The following SNTG2 variants were observed in gnomAD, a reference collection of about 807,000 sequenced individuals.
The protein encoded by SNTG2 is syntrophin gamma 2.
In SNTG2, 74 loss-of-function variants were observed where a neutral mutation model predicts 70.9. The observed-to-expected ratio is 1.04, with a 90% CI of 0.86 to 1.27. SNTG2 has a LOEUF of 1.27. Among genes scored for constraint, SNTG2 ranks in the 50% most tolerant of loss-of-function variants. The pLI is 0.00. For synonymous variants in SNTG2, 278 were observed against 273.8 expected (o/e 1.02, Z -0.15); for missense variants, 717 against 690.7 (o/e 1.04, Z -0.43).
intron 1 of SNTG2, among the ~76,000 whole-genome samples, chr2:1,071,301 C>G (rs992444847): frequency 6.6e-6 from 1 of 150,550 alleles, no homozygotes; most frequent in African/African-American, 2.5e-5. Context: ...CACATATACA[C>G]CATGGAATAC....
rs764719282 is a variant in SNTG2 at position 1,367,518 on chromosome 2, A to C, written c.*44A>C. The C allele has an allele frequency of 8.5e-5, 132 of 1,544,066 alleles. 2 individuals carry two copies. The South Asian group carries it at 1.5e-3, about 18-fold the overall frequency. On this transcript the variant is annotated 3_prime_UTR_variant, in exon 17 of 17. Transcript: ENST00000308624. ...GCTGAAAAATTAAATTATTTTCGTA[A>C]GAAATGATTCTTTCCTGCAGAATAT... is the stretch of plus-strand genomic sequence containing the variant.
Position 1,347,352 on chromosome 2 carries a change from T to A in SNTG2, c.1489-19991T>A, listed in dbSNP as rs142782457. Among the ~76,000 whole-genome samples, 255 of 152,282 alleles carry A rather than the reference T, an allele frequency of 1.7e-3. 3 individuals carry two copies. Among genetic ancestry groups the A allele is most frequent in the East Asian group, 0.011 (56 of 5,172 alleles). Reference sequence around the variant, plus strand: ...GACCAGCCTGTGGGTCTTCCTGGTGTTAAGGCTCAGCCCATGAAAACCAAG... The same window carrying A: ...GACCAGCCTGTGGGTCTTCCTGGTGATAAGGCTCAGCCCATGAAAACCAAG... On this transcript the variant is annotated intron_variant, in intron 16 of 16. Coordinates refer to ENST00000308624, the MANE Select transcript of SNTG2 (RefSeq NM_018968.4).
intron 14 of SNTG2, among the ~76,000 whole-genome samples, chr2:1,276,386 A>G (rs960275122): frequency 4.6e-5 from 7 of 152,228 alleles, no homozygotes; most frequent in Admixed American, 2.0e-4. Context: ...GTGAAGCTTC[A>G]TTTACCATTC....
intron 1 of SNTG2, among the ~76,000 whole-genome samples, chr2:1,032,448 G>C (rs912382520): frequency 7.2e-5 from 11 of 152,136 alleles, no homozygotes; most frequent in African/African-American, 2.7e-4. Flanking sequence ...ATTTTAGATA[G>C]CCCAAAAATA....
intron 7 of SNTG2, among the ~76,000 whole-genome samples, chr2:1,169,127 A>G (rs1670952353): frequency 2.0e-5 from 3 of 152,194 alleles, no homozygotes; most frequent in African/African-American, 7.2e-5. Context: ...GAGTGTCTGC[A>G]GATTCTGCAG....
rs1665487647 is a variant in SNTG2, at chr2:1,097,719, T to C, written c.211-477T>C. On this transcript the variant is annotated intron_variant, in intron 2 of 16. Transcript: ENST00000308624. This position sits in a 1 kb window ranked among gnomAD's most constrained non-coding sequence, Gnocchi z 4.1. ...TCAGAGGACGTGAAAAAATGGATCA[T>C]TCATGAATTAATATTGGTTGAAGAT... Among the ~76,000 whole-genome samples, 1 of 152,064 alleles carries C rather than the reference T, an allele frequency of 6.6e-6. No homozygotes were observed. Among genetic ancestry groups the C allele is most frequent in the African/African-American group, 2.4e-5 (1 of 41,418 alleles).
chr2:1,320,574 GA>G (rs1337509919), intron 16 of SNTG2, among the ~76,000 whole-genome samples: 6 of 147,046 alleles, frequency 4.1e-5, no homozygotes, highest in Middle Eastern at 3.5e-3. Flanking sequence ...AGAAAAGAAA[GA>G]AAAAAATCAC....
intron 6 of SNTG2, among the ~76,000 whole-genome samples, chr2:1,142,173 G>C (rs567294739): frequency 6.6e-6 from 1 of 152,190 alleles, no homozygotes; most frequent in Non-Finnish European, 1.5e-5. Flanking sequence ...ACCTGACCTG[G>C]AGATTTTTCA....
chr2:1,116,512 T>C (rs1428389066), intron 4 of SNTG2, among the ~76,000 whole-genome samples: 1 of 150,152 alleles, frequency 6.7e-6, no homozygotes, highest in Non-Finnish European at 1.5e-5. Flanking sequence ...GTGTGTGGTC[T>C]GGTGTGTGGG....
intron 4 of SNTG2, among the ~76,000 whole-genome samples, chr2:1,135,442 A>G (rs529424272): frequency 2.0e-5 from 3 of 152,320 alleles, no homozygotes; most frequent in Admixed American, 1.3e-4. Context: ...TACCTCGGCC[A>G]GGCGTGGTGG....
At chr2:1,019,872 G>T (rs113940379) in intron 1 of SNTG2, among the ~76,000 whole-genome samples, 14,361 of 152,014 alleles carry the variant, frequency 0.094, 787 homozygotes, top group Middle Eastern at 0.14. Flanking sequence ...GTGAAACCCC[G>T]TCTCTACAAA....
At chr2:1,299,523 G>A (rs569436591) in intron 14 of SNTG2, among the ~76,000 whole-genome samples, 2 of 152,298 alleles carry the variant, frequency 1.3e-5, no homozygotes, top group East Asian at 3.9e-4. Context: ...CCTTTTCTCA[G>A]AAGATCACTG....
At chr2:1,228,364 G>C (rs1047920686) in intron 9 of SNTG2, among the ~76,000 whole-genome samples, 8 of 152,210 alleles carry the variant, frequency 5.3e-5, no homozygotes, top group South Asian at 2.1e-4. Context: ...TTCCCTGCTG[G>C]GGGGAGGAGC....
chr2:1,144,358 C>T (rs1452523445), intron 6 of SNTG2, among the ~76,000 whole-genome samples: 1 of 152,198 alleles, frequency 6.6e-6, no homozygotes, highest in African/African-American at 2.4e-5. Context: ...CATCAATCCA[C>T]TGCATATAAT....
chr2:1,347,075 G>A (rs186076463), intron 16 of SNTG2, among the ~76,000 whole-genome samples: 1 of 87,616 alleles, frequency 1.1e-5, no homozygotes, highest in African/African-American at 5.0e-5. Context: ...CTTTAGAAAG[G>A]AATTTGGGAA....
chr2:1,045,925 G>T (rs1661709372), intron 1 of SNTG2, among the ~76,000 whole-genome samples: 1 of 152,068 alleles, frequency 6.6e-6, no homozygotes, highest in Non-Finnish European at 1.5e-5. Flanking sequence ...GAATATATTT[G>T]TTAGTATTCT....
At chr2:1,358,713 A>T (rs147883380) in intron 16 of SNTG2, among the ~76,000 whole-genome samples, 1 of 152,126 alleles carries the variant, frequency 6.6e-6, no homozygotes, top group Admixed American at 6.5e-5. Context: ...GTTGAAGAAG[A>T]TACTAGGTAT....
intron 16 of SNTG2, among the ~76,000 whole-genome samples, chr2:1,329,679 G>C (rs1659414400): frequency 6.6e-6 from 1 of 152,184 alleles, no homozygotes; most frequent in Non-Finnish European, 1.5e-5. Flanking sequence ...TCTTAGTTTT[G>C]ACACTTTCCT....
chr2:1,125,273 A>G (rs1243409731), intron 4 of SNTG2, among the ~76,000 whole-genome samples: 2 of 152,196 alleles, frequency 1.3e-5, no homozygotes, highest in African/African-American at 4.8e-5. Context: ...TTTATTTCAT[A>G]ATATTAAAAC....
Sources: gnomAD v4.1 joint callset for allele counts (sites outside exome capture counted in the v4.1 genomes callset) on GRCh38, gnomAD v4.1.1 for gene constraint, Gnocchi (gnomAD v3.1) non-coding constraint, MANE v1.5 for transcripts, NCBI Gene and HGNC (gene_info 2026-07-23, HGNC 2026-07-21) for gene names.